LRRK2: variants seen among roughly 807,000 people sequenced by gnomAD.
LRRK2 encodes leucine-rich repeat serine/threonine-protein kinase 2.
LRRK2 carries 203 observed loss-of-function variants against 302.6 expected under a neutral mutation model. That is an observed-to-expected ratio of 0.67 (90% CI 0.60 to 0.75). The LOEUF (loss-of-function observed/expected upper bound fraction) is 0.75. LRRK2 is among the 30% of genes least tolerant of loss of function. LRRK2 has a pLI of 0.00. For missense variants in LRRK2, 2,830 were observed against 2,951.0 expected (o/e 0.96, Z 0.95); for synonymous variants, 1,066 against 1,031.9 (o/e 1.03, Z -0.63).
In LRRK2 at chr12:40,259,828, A is replaced by G. The variant is rs886814580; in HGVS notation, c.1543+224A>G. Among the ~76,000 whole-genome samples, 18 of 152,332 alleles carry G rather than the reference A, an allele frequency of 1.2e-4. No individual in the cohort carries two copies. The East Asian group carries it at 3.1e-3, about 26-fold the overall frequency. ...ATTCAGTAATTTATTTATACAAAGT[A>G]ACTACAATGTAAAATGTGGAGCTTT... On this transcript the variant is annotated intron_variant, in intron 13 of 50. Transcript: ENST00000298910.
intron 41 of LRRK2, among the ~76,000 whole-genome samples, chr12:40,342,309 A>G (rs11564174): frequency 0.012 from 1,790 of 152,226 alleles, 46 homozygotes; most frequent in African/African-American, 0.038. Context: ...TCTAAAATGT[A>G]ATATCCATCT....
intron 14 of LRRK2, among the ~76,000 whole-genome samples, chr12:40,273,412 A>G (rs1943317656): frequency 1.3e-5 from 2 of 151,882 alleles, no homozygotes; most frequent in Non-Finnish European, 2.9e-5. Flanking sequence ...AGTGTGAAGT[A>G]GAAGGACACA....
intron 35 of LRRK2, among the ~76,000 whole-genome samples, chr12:40,321,518 G>A (rs1415530460): frequency 6.6e-6 from 1 of 150,788 alleles, no homozygotes; most frequent in Non-Finnish European, 1.5e-5. Flanking sequence ...CAAAAAAAGA[G>A]CAAATCCGGT....
At chr12:40,308,031 C>T (rs1053525942) in intron 28 of LRRK2, among the ~76,000 whole-genome samples, 10 of 151,970 alleles carry the variant, frequency 6.6e-5, no homozygotes, top group Admixed American at 6.6e-5. Flanking sequence ...CCGCCCACCT[C>T]GGCCTCCCAA....
chr12:40,347,682 G>A (rs954795433), intron 42 of LRRK2, among the ~76,000 whole-genome samples: 29 of 152,158 alleles, frequency 1.9e-4, no homozygotes, highest in African/African-American at 6.8e-4. Context: ...TCAGGTCTCT[G>A]CTGGGTACAG....
chr12:40,334,568 A>C (rs566986532), intron 39 of LRRK2, among the ~76,000 whole-genome samples: 1 of 152,368 alleles, frequency 6.6e-6, no homozygotes, highest in East Asian at 1.9e-4. Context: ...TATTTAAAAA[A>C]TCATAATGAA....
intron 43 of LRRK2, among the ~76,000 whole-genome samples, chr12:40,349,024 A>G (rs1946277461): frequency 6.6e-6 from 1 of 152,064 alleles, no homozygotes; most frequent in Non-Finnish European, 1.5e-5. Context: ...AGCTACAAAA[A>G]TATTTACCTG....
intron 40 of LRRK2, among the ~76,000 whole-genome samples, chr12:40,336,478 C>G (rs1249569928): frequency 6.6e-6 from 1 of 152,174 alleles, no homozygotes; most frequent in Admixed American, 6.5e-5. Context: ...CATTGTATCT[C>G]TAGCTCCTAA....
chr12:40,325,639 A>AT (rs1233444609), intron 38 of LRRK2, among the ~76,000 whole-genome samples: 2 of 152,208 alleles, frequency 1.3e-5, no homozygotes, highest in African/African-American at 4.8e-5. Context: ...ATTTAAACAA[A>AT]TTAGGTGTAT....
intron 5 of LRRK2, among the ~76,000 whole-genome samples, chr12:40,239,616 T>C (rs1441118355): frequency 6.6e-6 from 1 of 152,168 alleles, no homozygotes; most frequent in Non-Finnish European, 1.5e-5. Context: ...AAATTTCTGA[T>C]TTTTCCAGGA....
At chr12:40,360,631 T>C (rs1946674980) in intron 47 of LRRK2, among the ~76,000 whole-genome samples, 1 of 152,154 alleles carries the variant, frequency 6.6e-6, no homozygotes, top group Non-Finnish European at 1.5e-5. Flanking sequence ...GCAATTTTCC[T>C]GCTTAAAACC....
At chr12:40,248,694 C>T (rs1169215422) in intron 7 of LRRK2, among the ~76,000 whole-genome samples, 4 of 152,106 alleles carry the variant, frequency 2.6e-5, no homozygotes, top group Admixed American at 6.6e-5. Context: ...TAATTTGCTA[C>T]GTATTTTCAC....
chr12:40,251,610 A>C, intron 10 of LRRK2, 66 bp downstream of exon 10: 1 of 1,300,292 alleles, frequency 7.7e-7, no homozygotes, highest in Non-Finnish European at 1.1e-6. Flanking sequence ...CCTATAAAAT[A>C]CCTTAACCGT....
chr12:40,251,390 A>T lies in LRRK2; in HGVS notation c.1101+16A>T. ...GCACGTGCAGGTAGGACTCTCATAA[A>T]TATTAGAGTTATTCAAAATTATGTT... is the stretch of plus-strand genomic sequence containing the variant. On this transcript the variant is annotated intron_variant, in intron 9 of 50. Transcript: ENST00000298910. 1 of 1,613,630 alleles carries T rather than the reference A, an allele frequency of 6.2e-7. No individual in the cohort carries two copies. Among genetic ancestry groups the T allele is most frequent in the Non-Finnish European group, 8.5e-7 (1 of 1,179,610 alleles).
chr12:40,366,014 C>T (rs990393997), intron 49 of LRRK2: 9 of 151,876 alleles, frequency 5.9e-5, no homozygotes, highest in African/African-American at 2.2e-4. Context: ...ACCCAAATAG[C>T]TTGCTTATAA....
At chr12:40,357,637 A>G (rs1946579551) in intron 46 of LRRK2, among the ~76,000 whole-genome samples, 1 of 152,112 alleles carries the variant, frequency 6.6e-6, no homozygotes, top group Non-Finnish European at 1.5e-5. Flanking sequence ...AGCCATTCTA[A>G]TTGGGTGAAG....
intron 14 of LRRK2, among the ~76,000 whole-genome samples, chr12:40,271,795 T>C (rs990094210): frequency 4.6e-5 from 7 of 152,134 alleles, no homozygotes; most frequent in African/African-American, 1.7e-4. Flanking sequence ...CACCATCACA[T>C]GTTATCATGT....
In LRRK2 at chr12:40,367,629, T is replaced by A; in HGVS notation, c.7463-15T>A. On this transcript the variant is annotated splice_polypyrimidine_tract_variant and intron_variant, in intron 50 of 50. Transcript: ENST00000298910. ...TGGATCTTTGAAACATGATTTCATT[T>A]TTTTCTTTTTCTAGAGATACAATCT... The A allele has an allele frequency of 1.3e-6, 2 of 1,596,242 alleles. No homozygotes were observed. The highest frequency in any genetic ancestry group is 1.7e-6 in the Non-Finnish European group (2 of 1,171,000).
At chr12:40,314,908 G>C (rs924553920) in intron 32 of LRRK2, among the ~76,000 whole-genome samples, 3 of 152,010 alleles carry the variant, frequency 2.0e-5, no homozygotes, top group African/African-American at 7.2e-5. Flanking sequence ...TGTCTTTGTA[G>C]TGTGTATTCA....
Sources: allele counts gnomAD v4.1 joint callset (sites outside exome capture counted in the v4.1 genomes callset), GRCh38; gene constraint gnomAD v4.1.1; transcripts MANE v1.5; gene names NCBI Gene and HGNC (gene_info 2026-07-23, HGNC 2026-07-21).